Variants in ZNF418 observed in about 807,000 individuals in gnomAD.
The protein encoded by ZNF418 is zinc finger protein 418.
Under a neutral mutation model 32.0 loss-of-function variants are expected in ZNF418, and 32 were observed. The observed-to-expected ratio is 1.00, with a 90% CI of 0.75 to 1.34. ZNF418 has a LOEUF of 1.34. ZNF418 is among the 40% of genes most tolerant of loss of function. The pLI is 0.00. For synonymous variants in ZNF418, 276 were observed against 270.7 expected, an observed-to-expected ratio of 1.02 and a Z score of -0.19; for missense variants, 804 against 812.5, an observed-to-expected ratio of 0.99 and a Z score of 0.13.
chr19:57,926,700 C>G lies in ZNF418; in HGVS notation c.1481G>C (p.Ser494Thr). 1 of 1,614,060 alleles carries G rather than the reference C, an allele frequency of 6.2e-7. No individual in the cohort carries two copies. Among genetic ancestry groups the G allele is most frequent in the Non-Finnish European group, 8.5e-7 (1 of 1,180,026 alleles). ...CNECGKSFQD[S>T]SGFRVHQRVH... The stretch of plus-strand genomic sequence containing the variant: ...TCTCTGATGAACACGAAACCCAGAG[C>G]TGTCTTGAAATGATTTCCCACATTC... The change falls in exon 4 of 6, where the codon AGC becomes ACC. Residue 494 changes from serine to threonine, a missense_variant. This residue lies in a region of ZNF418 where 475 missense variants were observed against 458.6 expected (regional missense o/e 1.04). Transcript: ENST00000396147.
At position 57,926,162 on chromosome 19, in the gene ZNF418, A is replaced by G. The variant is rs772656076; in HGVS notation, c.2019T>C (p.Ser673=). The G allele has an allele frequency of 1.9e-6, 3 of 1,609,738 alleles. No homozygotes were observed. The highest frequency in any genetic ancestry group is 1.1e-5 in the South Asian group (1 of 90,796). The change falls in exon 4 of 6, where the codon AGT becomes AGC. Residue 673 remains serine, a synonymous_variant. Transcript: ENST00000396147. ...CCCAAATTTCTTTTCACTTGTAAGG[A>G]CTTCTTTCTGTGTGAACTCTCTGAT... ...LRHQRVHTER[S]PYK is the part of the protein sequence containing the mutation.
chr19:57,927,742 C>T lies in ZNF418; in HGVS notation c.439G>A (p.Val147Met), dbSNP rs936747681. 6.2e-7 allele frequency: 1 copy of T among 1,614,120 alleles called. No homozygotes were observed. The highest frequency in any genetic ancestry group is 1.3e-5 in the African/African-American group (1 of 74,938). ...YRSSVEEALF[V>M]KRCKFHVSEE... ...GACACATGGAACTTACACCTCTTCA[C>T]AAACAATGCTTCCTCAACACTGCTT... The change falls in exon 4 of 6, where the codon GTG becomes ATG. Residue 147 changes from valine to methionine, a missense_variant. This residue lies in a region of ZNF418 where 307 missense variants were observed against 304.9 expected (regional missense o/e 1.01). Coordinates refer to ENST00000396147, the MANE Select transcript of ZNF418 (RefSeq NM_133460.3).
chr19:57,934,639 C>T (rs533966279), intron 1 of ZNF418, among the ~76,000 whole-genome samples: 1 of 152,166 alleles, frequency 6.6e-6, no homozygotes, highest in African/African-American at 2.4e-5. Context: ...AGCCAGGTGA[C>T]CTCAGACTGG....
intron 3 of ZNF418, among the ~76,000 whole-genome samples, chr19:57,929,277 C>T (rs554088823): frequency 9.8e-5 from 15 of 152,330 alleles, no homozygotes; most frequent in East Asian, 3.9e-4. Flanking sequence ...GTTTCTGATA[C>T]GATTTGAAGA....
chr19:57,933,941 C>T (rs1445004426), intron 1 of ZNF418, 39 bp from the exon 2 acceptor site: 2 of 1,604,356 alleles, frequency 1.2e-6, no homozygotes, highest in East Asian at 2.2e-5. Context: ...CACCTCCTCG[C>T]CGCCCTCTTG....
rs200402032 is a variant in ZNF418, at chr19:57,926,253, C to T, written c.1928G>A (p.Gly643Glu). 9 of 1,613,864 alleles carry T rather than the reference C, an allele frequency of 5.6e-6. No homozygotes were observed. The highest frequency in any genetic ancestry group is 2.5e-6 in the Non-Finnish European group (3 of 1,179,898). Residue 643 changes from glycine to glutamate, a missense_variant, in exon 4 of 6, where the codon GGA (glycine) becomes GAA (glutamate). Physicochemically the swap from Gly to Glu is moderately conservative, Grantham distance 98 (BLOSUM62 -2). Transcript: ENST00000396147. ...TTCACTGCACTCATAAGGCCTTTCTCCAGTGTGTACTCTCCTGTGTTCAGT... is the reference window on the plus strand; with the variant it reads ...TTCACTGCACTCATAAGGCCTTTCTTCAGTGTGTACTCTCCTGTGTTCAGT... ...SLTEHRRVHT[G>E]ERPYECSECG...
chr19:57,922,355 G>A lies in ZNF418; in HGVS notation c.*900C>T. 1 of 386,848 alleles carries A rather than the reference G, an allele frequency of 2.6e-6. No homozygotes were observed. Among genetic ancestry groups the A allele is most frequent in the East Asian group, 3.7e-5 (1 of 27,168 alleles). The allele number at this position is 386,848 out of a possible 1,614,324, so 24.0% of individuals were successfully genotyped here. A position where few individuals can be genotyped will look rare whatever the true frequency, so the allele number is the denominator to read the frequency against. On this transcript the variant is annotated 3_prime_UTR_variant, in exon 6 of 6. Transcript: ENST00000396147. ...GCAAAATAAAAATGTTAGAAAATGGGCCACACTTTACAAATTGAGATTATG... is the reference window on the plus strand; with the variant it reads ...GCAAAATAAAAATGTTAGAAAATGGACCACACTTTACAAATTGAGATTATG...
At chr19:57,933,975 T>TA in intron 1 of ZNF418, 73 bp from the exon 2 acceptor site, 6 of 1,584,452 alleles carry the variant, frequency 3.8e-6, no homozygotes, top group Non-Finnish European at 5.1e-6. Flanking sequence ...TTTTTACCTC[T>TA]AAGCATTTCA....
chr19:57,922,748 T>C (rs1312217005), intron 5 of ZNF418, 119 bp from the exon 6 acceptor site: 4 of 391,558 alleles, frequency 1.0e-5, no homozygotes, highest in Non-Finnish European at 1.8e-5. Flanking sequence ...CCTGTAATCT[T>C]AGCATTTTGA....
intron 1 of ZNF418, 65 bp from the exon 2 acceptor site, chr19:57,933,967 T>G: frequency 6.3e-7 from 1 of 1,591,928 alleles, no homozygotes; most frequent in Non-Finnish European, 8.5e-7. Context: ...CCACCGAATT[T>G]TTACCTCTAA....
In ZNF418 at chr19:57,925,934, A is replaced by T; in HGVS notation, c.*216T>A. ...TGTACAGTGTTTTCCTTATGAGAACAATCTGTTATCCAATGACAGAAGGCA... is the reference window on the plus strand; with the variant it reads ...TGTACAGTGTTTTCCTTATGAGAACTATCTGTTATCCAATGACAGAAGGCA... On this transcript the variant is annotated 3_prime_UTR_variant, in exon 4 of 6. Transcript: ENST00000396147. 1 of 562,050 alleles carries T rather than the reference A, an allele frequency of 1.8e-6. No individual in the cohort carries two copies. The highest frequency in any genetic ancestry group is 3.1e-6 in the Non-Finnish European group (1 of 317,742). The allele number at this position is 562,050 out of a possible 1,614,324, so 34.8% of individuals were successfully genotyped here. A position where few individuals can be genotyped will look rare whatever the true frequency, so the allele number is the denominator to read the frequency against.
chr19:57,930,780 G>GT (rs370908789), intron 2 of ZNF418, among the ~76,000 whole-genome samples: 52 of 152,078 alleles, frequency 3.4e-4, no homozygotes, highest in African/African-American at 1.0e-3. Context: ...TGCTGTGCTT[G>GT]TTTTTTTGTT....
chr19:57,923,523 T>C (rs1054063288), intron 4 of ZNF418, among the ~76,000 whole-genome samples: 1 of 144,188 alleles, frequency 6.9e-6, no homozygotes, highest in African/African-American at 2.6e-5. Context: ...TATATACATA[T>C]ATACATATAT....
rs2072230945 is a variant in ZNF418 at position 57,926,499 on chromosome 19, G to C, written c.1682C>G (p.Thr561Ser). Residue 561 changes from threonine to serine, a missense_variant, in exon 4 of 6, where the codon ACT (threonine) becomes AGT (serine). Physicochemically the swap from Thr to Ser is moderately conservative, Grantham distance 58. This residue lies in a region of ZNF418 where 475 missense variants were observed against 458.6 expected (regional missense o/e 1.04). Coordinates refer to ENST00000396147, the MANE Select transcript of ZNF418 (RefSeq NM_133460.3). ...SSLLRHQKTH[T>S]AERPYECREC... ...TCTGCACTCATAAGGTCTTTCTGCA[G>C]TGTGAGTTTTCTGATGTCGAAGGAG... The C allele has an allele frequency of 1.9e-6, 3 of 1,613,770 alleles. No individual in the cohort carries two copies. The highest frequency in any genetic ancestry group is 2.5e-6 in the Non-Finnish European group (3 of 1,180,014).
At chr19:57,923,554 A>G (rs866109724) in intron 4 of ZNF418, among the ~76,000 whole-genome samples, 2 of 139,260 alleles carry the variant, frequency 1.4e-5, no homozygotes, top group South Asian at 2.2e-4. Context: ...ACACACACAC[A>G]CACACACACA....
intron 4 of ZNF418, among the ~76,000 whole-genome samples, chr19:57,923,563 CACATAT>C (rs1241009571): frequency 7.4e-6 from 1 of 135,944 alleles, no homozygotes; most frequent in Non-Finnish European, 1.7e-5. Flanking sequence ...CACACACACA[CACATAT>C]ATACACATAT....
At chr19:57,928,889 G>A (rs1218341316) in intron 3 of ZNF418, among the ~76,000 whole-genome samples, 1 of 152,130 alleles carries the variant, frequency 6.6e-6, no homozygotes, top group Non-Finnish European at 1.5e-5. Context: ...AGCTACTCGG[G>A]AGGCTGAGGC....
intron 4 of ZNF418, among the ~76,000 whole-genome samples, 184 bp from the exon 5 acceptor site, chr19:57,923,473 C>T (rs1295300025): frequency 1.3e-5 from 2 of 150,032 alleles, no homozygotes; most frequent in African/African-American, 2.5e-5. Flanking sequence ...TACATATATA[C>T]ATACATATAC....
At chr19:57,931,234 T>C (rs1030915779) in intron 2 of ZNF418, among the ~76,000 whole-genome samples, 1 of 151,898 alleles carries the variant, frequency 6.6e-6, no homozygotes, top group Non-Finnish European at 1.5e-5. Context: ...GGAGTTTCGC[T>C]CTTGTTGCCC....
Sources: allele counts gnomAD v4.1 joint callset (sites outside exome capture counted in the v4.1 genomes callset), GRCh38; gene constraint gnomAD v4.1.1; regional missense constraint gnomAD v4.1.1; transcripts MANE v1.5; gene names NCBI Gene and HGNC (gene_info 2026-07-23, HGNC 2026-07-21).